Variants in FBXO15 observed in about 807,000 individuals in gnomAD.
The protein encoded by FBXO15 is F-box protein 15.
In FBXO15, 30 loss-of-function variants were observed where a neutral mutation model predicts 49.5. That is an observed-to-expected ratio of 0.61 (90% confidence interval 0.45 to 0.82). FBXO15 has a LOEUF of 0.82. Among genes scored for constraint, FBXO15 ranks in the 40% least tolerant of loss-of-function variants. FBXO15 has a pLI of 0.00. For synonymous variants in FBXO15, 250 were observed against 232.7 expected (o/e 1.07, Z -0.68); for missense variants, 591 against 631.5 (o/e 0.94, Z 0.69).
At chr18:74,128,287 G>A (rs1978297831) in intron 5 of FBXO15, among the ~76,000 whole-genome samples, 1 of 151,962 alleles carries the variant, frequency 6.6e-6, no homozygotes, top group South Asian at 2.1e-4. Flanking sequence ...TCAAAGAGCA[G>A]GCGCCATGGA....
chr18:74,145,078 ATTT>A (rs1268047154), intron 1 of FBXO15, among the ~76,000 whole-genome samples: 1 of 152,066 alleles, frequency 6.6e-6, no homozygotes, highest in Non-Finnish European at 1.5e-5. Flanking sequence ...GGTACTAGTT[ATTT>A]TTTTTAAGTA....
Position 74,073,459 on chromosome 18 carries a change from T to C in FBXO15, c.*2A>G. 1 of 1,606,722 alleles carries C rather than the reference T, an allele frequency of 6.2e-7. No homozygotes were observed. Among genetic ancestry groups the C allele is most frequent in the Non-Finnish European group, 8.5e-7 (1 of 1,175,766 alleles). On this transcript the variant is annotated 3_prime_UTR_variant, in exon 10 of 10. Transcript: ENST00000419743. ...ATAACAACAATAATTTGCCACCTACTGCTAATATTCAGTCCCAAACCAATG... is the reference window on the plus strand; with the variant it reads ...ATAACAACAATAATTTGCCACCTACCGCTAATATTCAGTCCCAAACCAATG...
At chr18:74,114,158 T>G (rs1914135905) in intron 8 of FBXO15, among the ~76,000 whole-genome samples, 1 of 152,164 alleles carries the variant, frequency 6.6e-6, no homozygotes, top group Non-Finnish European at 1.5e-5. Flanking sequence ...ATTCTGCTAG[T>G]GCCAGGCAGA....
chr18:74,101,566 T>C (rs1462755077), intron 8 of FBXO15, among the ~76,000 whole-genome samples: 1 of 152,014 alleles, frequency 6.6e-6, no homozygotes, highest in African/African-American at 2.4e-5. Flanking sequence ...TTCAATACAA[T>C]TCCCATCAAA....
chr18:74,140,451 G>A, intron 1 of FBXO15, 139 bp from the exon 2 acceptor site: 1 of 739,238 alleles, frequency 1.4e-6, no homozygotes, highest in Non-Finnish European at 2.0e-6. Flanking sequence ...AAGAAAAAAA[G>A]GAAGGGAAGA....
intron 9 of FBXO15, chr18:74,078,357 T>G (rs1195591333): frequency 7.4e-6 from 1 of 134,700 alleles, no homozygotes; most frequent in East Asian, 2.6e-4. Context: ...CCAGCAGCCT[T>G]TCCAATGCCC....
rs868327947 is a variant in FBXO15 at position 74,140,071 on chromosome 18, T to A, written c.227+131A>T. 32 of 638,532 alleles carry A rather than the reference T, an allele frequency of 5.0e-5. No homozygotes were observed. The Middle Eastern group carries it at 4.9e-3, about 98-fold the overall frequency. 39.6% of individuals were successfully genotyped at this position (638,532 alleles called of 1,614,324 possible). A position where few individuals can be genotyped will look rare whatever the true frequency, so the allele number is the denominator to read the frequency against. On this transcript the variant is annotated intron_variant, in intron 2 of 9. Coordinates refer to ENST00000419743, the MANE Select transcript of FBXO15 (RefSeq NM_001142958.2). Reference sequence around the variant, plus strand: ...ATGACTCATCAAATGCTCCATGCTGTACTGTCTTCCTACACAATCCTATTC... The same window carrying A: ...ATGACTCATCAAATGCTCCATGCTGAACTGTCTTCCTACACAATCCTATTC...
chr18:74,090,217 T>C (rs532934971), intron 8 of FBXO15, among the ~76,000 whole-genome samples: 1 of 152,314 alleles, frequency 6.6e-6, no homozygotes, highest in East Asian at 1.9e-4. Flanking sequence ...GAGGTGCTCA[T>C]AATAGTCTCA....
Position 74,074,401 on chromosome 18 carries a change from C to T in FBXO15, c.1264-671G>A, listed in dbSNP as rs976874239. Among the ~76,000 whole-genome samples the T allele has an allele frequency of 6.6e-6, 1 of 152,222 alleles. No homozygotes were observed. Among genetic ancestry groups the T allele is most frequent in the Non-Finnish European group, 1.5e-5 (1 of 68,046 alleles). On this transcript the variant is annotated intron_variant, in intron 9 of 9. Coordinates refer to ENST00000419743, the MANE Select transcript of FBXO15 (RefSeq NM_001142958.2). This position sits in a 1 kb window ranked among gnomAD's most constrained non-coding sequence, Gnocchi z 4.7. ...GGGACCCTGGTGGAGCCTCCAGTAT[C>T]CTGGACTCTCAACTCCTGAGCTGGT...
rs748354870 is a variant in FBXO15 at position 74,082,032 on chromosome 18, A to G, written c.1158T>C (p.His386=). Residue 386 remains histidine, a synonymous_variant, in exon 9 of 10, where the codon CAT becomes CAC. Coordinates refer to ENST00000419743, the MANE Select transcript of FBXO15 (RefSeq NM_001142958.2). The stretch of plus-strand genomic sequence containing the variant: ...TTAAATGTATAACAATGAGCTTCAC[A>G]TGTCCATTTTCAATATTTCCTGAAA... ...FTKRGNIENG[H]VKLIVIHLKN... 20 of 1,611,510 alleles carry G rather than the reference A, an allele frequency of 1.2e-5. No individual in the cohort carries two copies. Among genetic ancestry groups the G allele is most frequent in the Non-Finnish European group, 1.6e-5 (19 of 1,179,182 alleles).
At chr18:74,135,978 AC>A (rs1978695720) in intron 2 of FBXO15, 112 bp from the exon 3 acceptor site, 1 of 731,002 alleles carries the variant, frequency 1.4e-6, no homozygotes, top group Middle Eastern at 3.1e-4. Flanking sequence ...CCGTAGAGAG[AC>A]CCCTCCTGTA....
At chr18:74,085,322 C>G (rs991086937) in intron 8 of FBXO15, among the ~76,000 whole-genome samples, 1 of 136,812 alleles carries the variant, frequency 7.3e-6, no homozygotes, top group Non-Finnish European at 1.5e-5. Context: ...TGGCTGGGTG[C>G]AGTGGCTCAC....
intron 8 of FBXO15, among the ~76,000 whole-genome samples, chr18:74,108,978 A>C (rs567245318): frequency 1.2e-4 from 19 of 152,182 alleles, no homozygotes; most frequent in Non-Finnish European, 2.4e-4. Flanking sequence ...TATCTATCAA[A>C]AGTGCAAGGG....
intron 9 of FBXO15, among the ~76,000 whole-genome samples, chr18:74,079,479 G>A (rs1912396719): frequency 6.6e-6 from 1 of 152,110 alleles, no homozygotes; most frequent in Admixed American, 6.5e-5. Context: ...CAATGAGAAG[G>A]TATGTAAGCC....
At chr18:74,109,264 C>T (rs566578769) in intron 8 of FBXO15, among the ~76,000 whole-genome samples, 97 of 152,218 alleles carry the variant, frequency 6.4e-4, no homozygotes, top group African/African-American at 2.2e-3. Context: ...AAATGCAAAT[C>T]AAAACCATAA....
intron 9 of FBXO15, among the ~76,000 whole-genome samples, chr18:74,076,700 A>G (rs1377612093): frequency 2.0e-5 from 3 of 152,182 alleles, no homozygotes; most frequent in East Asian, 1.9e-4. Context: ...TTTACAAAAC[A>G]TGAGTCTGAG....
intron 2 of FBXO15, among the ~76,000 whole-genome samples, chr18:74,136,430 A>C (rs1978728611): frequency 6.6e-6 from 1 of 152,242 alleles, no homozygotes; most frequent in Admixed American, 6.5e-5. Context: ...TGAGATAAAA[A>C]GAGAATCAGA....
rs1978649647 is a variant in FBXO15, at chr18:74,135,295, G to T, written c.332+467C>A. On this transcript the variant is annotated intron_variant, in intron 3 of 9. Coordinates refer to ENST00000419743, the MANE Select transcript of FBXO15 (RefSeq NM_001142958.2). ...CTCTCCCCACAGAGTAAGTTAACTTGATTGGCATGTTTGGGAGGAGAAGCT... is the reference window on the plus strand; with the variant it reads ...CTCTCCCCACAGAGTAAGTTAACTTTATTGGCATGTTTGGGAGGAGAAGCT... 2.6e-5 allele frequency among the ~76,000 whole-genome samples: 4 copies of T among 152,234 alleles called. No homozygotes were observed. The South Asian group carries it at 8.3e-4, about 31-fold the overall frequency.
At chr18:74,081,620 A>C (rs894716676) in intron 9 of FBXO15, among the ~76,000 whole-genome samples, 1 of 152,166 alleles carries the variant, frequency 6.6e-6, no homozygotes, top group Non-Finnish European at 1.5e-5. Context: ...CACAAAACAG[A>C]GGGGCTTTGA....
Sources: allele counts gnomAD v4.1 joint callset (sites outside exome capture counted in the v4.1 genomes callset), GRCh38; gene constraint gnomAD v4.1.1; non-coding constraint Gnocchi (gnomAD v3.1); transcripts MANE v1.5; gene names NCBI Gene and HGNC (gene_info 2026-07-23, HGNC 2026-07-21).